Variants in RASA1 observed in about 807,000 individuals in gnomAD.
The protein encoded by RASA1 is ras GTPase-activating protein 1.
Under a neutral mutation model 132.2 loss-of-function variants are expected in RASA1, and 25 were observed. That is an observed-to-expected ratio of 0.19 (90% CI 0.14 to 0.26). RASA1 has a LOEUF of 0.26. Ranked by LOEUF, RASA1 falls within the 10% of genes least tolerant of loss-of-function variation. The probability of loss-of-function intolerance (pLI) is 1.00; values close to 1 mark genes in which losing one functional copy is unlikely to be tolerated. For missense variants in RASA1, 964 were observed against 1,299.2 expected (o/e 0.74, Z 3.97); for synonymous variants, 477 against 449.9 (o/e 1.06, Z -0.76).
At chr5:87,335,927 T>A (rs1386789149) in intron 4 of RASA1, among the ~76,000 whole-genome samples, 1 of 152,220 alleles carries the variant, frequency 6.6e-6, no homozygotes, top group Non-Finnish European at 1.5e-5. Context: ...GGATTCCATA[T>A]TACAACTAAC....
rs530558059 is a variant in RASA1, at chr5:87,296,318, G to A, written c.539+27328G>A. On this transcript the variant is annotated intron_variant, in intron 1 of 24. Coordinates refer to ENST00000274376, the MANE Select transcript of RASA1 (RefSeq NM_002890.3). The stretch of plus-strand genomic sequence containing the variant: ...TCATTTCACTTATACATAGGCATAC[G>A]CAAGCAGATACATCATTGCTATTAT... 1.2e-4 allele frequency among the ~76,000 whole-genome samples: 18 copies of A among 152,100 alleles called. No homozygotes were observed. In the South Asian group the frequency reaches 2.5e-3, roughly 21 times the overall value.
At chr5:87,343,639 G>C (rs1327516637) in intron 6 of RASA1, among the ~76,000 whole-genome samples, 3 of 152,128 alleles carry the variant, frequency 2.0e-5, no homozygotes, top group Admixed American at 6.6e-5. Flanking sequence ...AATGAGTGCA[G>C]TTACTATAGA....
intron 10 of RASA1, among the ~76,000 whole-genome samples, chr5:87,362,950 T>C (rs1336985228): frequency 6.6e-6 from 1 of 151,504 alleles, no homozygotes; most frequent in East Asian, 1.9e-4. Context: ...GGCACATTCA[T>C]AATATTGATA....
intron 1 of RASA1, among the ~76,000 whole-genome samples, chr5:87,302,216 CT>C (rs1354018102): frequency 6.6e-6 from 1 of 151,926 alleles, no homozygotes; most frequent in East Asian, 1.9e-4. Context: ...ATTGTTTACC[CT>C]TTTCATTGTA....
chr5:87,384,735 C>G (rs972997197), intron 21 of RASA1, among the ~76,000 whole-genome samples: 1 of 152,112 alleles, frequency 6.6e-6, no homozygotes, highest in African/African-American at 2.4e-5. Flanking sequence ...TTACATCCTA[C>G]TATCTGTGTT....
rs578076580 is a variant in RASA1, at chr5:87,301,215, A to G, written c.540-30133A>G. Among the ~76,000 whole-genome samples the G allele has an allele frequency of 7.4e-4, 112 of 152,332 alleles. 1 individual carries two copies. Among genetic ancestry groups the G allele is most frequent in the African/African-American group, 2.5e-3 (102 of 41,580 alleles). On this transcript the variant is annotated intron_variant, in intron 1 of 24. Coordinates refer to ENST00000274376, the MANE Select transcript of RASA1 (RefSeq NM_002890.3). ...TGACTGTCTAATGTTTTATTTATGT[A>G]TATGTATAATTACATATAATATATA...
intron 16 of RASA1, 62 bp from the exon 17 acceptor site, chr5:87,376,819 G>A: frequency 6.8e-7 from 1 of 1,480,168 alleles, no homozygotes; most frequent in Non-Finnish European, 9.4e-7. Context: ...TTTCTTGTTA[G>A]TCTCATGGAG....
intron 1 of RASA1, among the ~76,000 whole-genome samples, chr5:87,320,376 A>T (rs1756696737): frequency 6.6e-6 from 1 of 152,156 alleles, no homozygotes; most frequent in East Asian, 1.9e-4. Flanking sequence ...CCTTGTTCTC[A>T]TACTGCTACA....
In RASA1 at chr5:87,290,617, C is replaced by T. The variant is rs183405651; in HGVS notation, c.539+21627C>T. Among the ~76,000 whole-genome samples, 291 of 152,248 alleles carry T rather than the reference C, an allele frequency of 1.9e-3. 1 individual carries two copies. Among genetic ancestry groups the T allele is most frequent in the African/African-American group, 6.9e-3 (285 of 41,542 alleles). On this transcript the variant is annotated intron_variant, in intron 1 of 24. Coordinates refer to ENST00000274376, the MANE Select transcript of RASA1 (RefSeq NM_002890.3). ...GTGTCATACAAAATAGTTTCATTGC[C>T]TAAAAATCCTGTTTATTTTGTCTGT... is the stretch of plus-strand genomic sequence containing the variant.
chr5:87,347,040 T>TA (rs1758916732), intron 7 of RASA1, among the ~76,000 whole-genome samples: 1 of 151,996 alleles, frequency 6.6e-6, no homozygotes, highest in Non-Finnish European at 1.5e-5. Flanking sequence ...CCCCTACACA[T>TA]ACACAGACAG....
At chr5:87,327,835 C>T (rs113416155) in intron 1 of RASA1, among the ~76,000 whole-genome samples, 4 of 152,026 alleles carry the variant, frequency 2.6e-5, no homozygotes, top group African/African-American at 9.6e-5. Context: ...TGTGGTGGCA[C>T]ACACCTGTAA....
At chr5:87,347,421 T>C (rs2063552777) in intron 7 of RASA1, among the ~76,000 whole-genome samples, 1 of 152,040 alleles carries the variant, frequency 6.6e-6, no homozygotes, top group Non-Finnish European at 1.5e-5. Context: ...TGAATTAATT[T>C]AAATACCGAG....
chr5:87,318,564 GA>G (rs984102977), intron 1 of RASA1: 3 of 152,250 alleles, frequency 2.0e-5, no homozygotes, highest in African/African-American at 7.2e-5. Flanking sequence ...AACAGCATGT[GA>G]AGGGGAATGT....
intron 3 of RASA1, 125 bp from the exon 4 acceptor site, chr5:87,333,142 A>G: frequency 2.1e-6 from 3 of 1,409,790 alleles, no homozygotes; most frequent in Non-Finnish European, 2.8e-6. Flanking sequence ...CCAAGTAAAA[A>G]TTTATTTGAA....
rs193041919 is a variant in RASA1, at chr5:87,298,779, G to A, written c.539+29789G>A. Among the ~76,000 whole-genome samples the A allele has an allele frequency of 6.3e-3, 961 of 152,240 alleles. 5 individuals are homozygous for A. The highest frequency in any genetic ancestry group is 0.014 in the African/African-American group (579 of 41,540). On this transcript the variant is annotated intron_variant, in intron 1 of 24. Coordinates refer to ENST00000274376, the MANE Select transcript of RASA1 (RefSeq NM_002890.3). Reference sequence around the variant, plus strand: ...GTATTTAATCAAAACCTAGAGAATTGAGATAGACATTGTATCAGAAGAAAG... The same window carrying A: ...GTATTTAATCAAAACCTAGAGAATTAAGATAGACATTGTATCAGAAGAAAG...
chr5:87,339,043 G>A (rs376932628), intron 5 of RASA1, among the ~76,000 whole-genome samples: 2 of 151,918 alleles, frequency 1.3e-5, no homozygotes. Context: ...CTTTCCTTTC[G>A]GATTTTTCTA....
chr5:87,283,853 T>TA (rs1182338248), intron 1 of RASA1, among the ~76,000 whole-genome samples: 1 of 152,160 alleles, frequency 6.6e-6, no homozygotes, highest in Non-Finnish European at 1.5e-5. Context: ...ATTAGGGTGT[T>TA]ATAGCCATCT....
intron 1 of RASA1, among the ~76,000 whole-genome samples, chr5:87,284,689 A>G (rs1754465807): frequency 6.6e-6 from 1 of 152,206 alleles, no homozygotes. Context: ...TAAAAAGAAT[A>G]TAACTATTTG....
At chr5:87,319,960 A>G (rs1229893599) in intron 1 of RASA1, among the ~76,000 whole-genome samples, 2 of 152,234 alleles carry the variant, frequency 1.3e-5, no homozygotes, top group African/African-American at 4.8e-5. Context: ...GAAAAATACC[A>G]GGTCACATCT....
Sources: gnomAD v4.1 joint callset for allele counts (sites outside exome capture counted in the v4.1 genomes callset) on GRCh38, gnomAD v4.1.1 for gene constraint, MANE v1.5 for transcripts, NCBI Gene and HGNC (gene_info 2026-07-23, HGNC 2026-07-21) for gene names.